ADAMTS5: variants seen among roughly 807,000 people sequenced by gnomAD.
ADAMTS5 encodes A disintegrin and metalloproteinase with thrombospondin motifs 5.
Under a neutral mutation model 81.4 loss-of-function variants are expected in ADAMTS5, and 54 were observed. The ratio of observed to expected loss-of-function variants is 0.66; its 90% CI spans 0.53 to 0.83. The LOEUF is 0.83. ADAMTS5 is among the 40% of genes least tolerant of loss of function. The pLI is 0.00. For synonymous variants in ADAMTS5, 532 were observed against 508.8 expected (o/e 1.05, Z -0.61); for missense variants, 1,194 against 1,229.9 (o/e 0.97, Z 0.44).
intron 7 of ADAMTS5, among the ~76,000 whole-genome samples, chr21:26,927,305 A>T (rs532559118): frequency 2.0e-5 from 3 of 152,314 alleles, no homozygotes; most frequent in Admixed American, 6.5e-5. Flanking sequence ...GGTGATATCA[A>T]TTGATAAGAG....
intron 6 of ADAMTS5, among the ~76,000 whole-genome samples, chr21:26,931,206 C>A (rs1986900664): frequency 6.6e-6 from 1 of 152,018 alleles, no homozygotes. Context: ...GCCACCACGC[C>A]CAGCTAATTT....
intron 2 of ADAMTS5, among the ~76,000 whole-genome samples, chr21:26,949,147 A>ATG (rs1336874757): frequency 2.0e-5 from 3 of 150,782 alleles, no homozygotes; most frequent in Non-Finnish European, 4.4e-5. Flanking sequence ...ATATATATAT[A>ATG]TATATATCAC....
rs61754846 is a variant in ADAMTS5, at chr21:26,924,358, G to A, written c.2488C>T (p.Leu830=). The A allele has an allele frequency of 4.6e-3, 7,485 of 1,614,162 alleles. 34 individuals carry two copies. The highest frequency in any genetic ancestry group is 5.1e-3 in the Non-Finnish European group (6,008 of 1,180,002). Residue 830 remains leucine (L), a synonymous_variant, in exon 8 of 8, where the codon CTA becomes TTA. Coordinates refer to ENST00000284987, the MANE Select transcript of ADAMTS5 (RefSeq NM_007038.5). ...TCTGTTGCAAGAATCTGCACTATTAGAATTTCCTTCGTGGCAGAGTAGCCC... is the reference window on the plus strand; with the variant it reads ...TCTGTTGCAAGAATCTGCACTATTAAAATTTCCTTCGTGGCAGAGTAGCCC... ...GMGYSATKEI[L]IVQILATDPT... is the part of the protein sequence containing the mutation.
chr21:26,954,453 G>T (rs995766084), intron 2 of ADAMTS5, among the ~76,000 whole-genome samples: 1 of 152,170 alleles, frequency 6.6e-6, no homozygotes, highest in Non-Finnish European at 1.5e-5. Context: ...TCATCCAGGG[G>T]TCATTTACGG....
At chr21:26,950,920 A>T (rs1412428647) in intron 2 of ADAMTS5, among the ~76,000 whole-genome samples, 3 of 152,036 alleles carry the variant, frequency 2.0e-5, no homozygotes, top group Admixed American at 6.6e-5. Flanking sequence ...CAGTGGTGTA[A>T]TCATAGCTCA....
chr21:26,962,860 ACTT>A (rs990481904), intron 1 of ADAMTS5, among the ~76,000 whole-genome samples: 123 of 150,544 alleles, frequency 8.2e-4, no homozygotes, highest in African/African-American at 2.8e-3. Context: ...TCTCCTCCAG[ACTT>A]CTTTTTTTTT....
At chr21:26,944,795 T>A (rs1016590599) in intron 2 of ADAMTS5, among the ~76,000 whole-genome samples, 4 of 152,142 alleles carry the variant, frequency 2.6e-5, no homozygotes, top group African/African-American at 7.2e-5. Context: ...CACTTTATAT[T>A]CCGACTACTT....
chr21:26,951,882 T>C (rs1224566338), intron 2 of ADAMTS5, among the ~76,000 whole-genome samples: 2 of 139,546 alleles, frequency 1.4e-5, no homozygotes, highest in African/African-American at 6.6e-5. Context: ...CAAGACTCTG[T>C]AATAATACAC....
intron 3 of ADAMTS5, among the ~76,000 whole-genome samples, chr21:26,938,296 T>C (rs2123180529): frequency 6.6e-6 from 1 of 151,850 alleles, no homozygotes; most frequent in African/African-American, 2.4e-5. Context: ...GCATATTGCA[T>C]ACATGTTTTT....
Position 26,924,122 on chromosome 21 carries a change from C to A in ADAMTS5, c.2724G>T (p.Lys908Asn). The change falls in exon 8 of 8, where the codon AAG (lysine) becomes AAT (asparagine). Residue 908 changes from lysine to asparagine, a missense_variant. Lys to Asn is a moderately conservative substitution (Grantham distance 94). Around this residue, in one of 2 missense-constraint regions of ADAMTS5, gnomAD observed 696 missense variants for 817.6 expected, o/e 0.85. Transcript: ENST00000284987. Reference sequence around the variant, plus strand: ...GGGAGAGAGGACATCCTTTTGCTAACTTCCGGTTTCCATCCTGGCACTGCA... The same window carrying A: ...GGGAGAGAGGACATCCTTTTGCTAAATTCCGGTTTCCATCCTGGCACTGCA... ...RTVQCQDGNRKLAKGCPLSQR... is the reference protein window; with the variant it reads ...RTVQCQDGNRNLAKGCPLSQR... 6.2e-7 allele frequency: 1 copy of A among 1,612,746 alleles called. No homozygotes were observed. The highest frequency in any genetic ancestry group is 8.5e-7 in the Non-Finnish European group (1 of 1,178,778).
intron 4 of ADAMTS5, 144 bp from the exon 5 acceptor site, chr21:26,933,188 G>A (rs1441291727): frequency 2.2e-6 from 2 of 916,362 alleles, no homozygotes; most frequent in Non-Finnish European, 3.2e-6. Flanking sequence ...ACATGATCAT[G>A]CTTTGGAAAT....
rs1473476677 is a variant in ADAMTS5 at position 26,919,064 on chromosome 21, T to A, written c.*4989A>T. The A allele has an allele frequency of 6.6e-6, 1 of 152,010 alleles. No homozygotes were observed. The highest frequency in any genetic ancestry group is 2.4e-5 in the African/African-American group (1 of 41,418). 9.4% of individuals were successfully genotyped at this position (152,010 alleles called of 1,614,324 possible). ...CCGTGACACAAAGCTTAGAGGTCTT[T>A]CTTGCAAACTGTAAAATCATGTAGA... On this transcript the variant is annotated 3_prime_UTR_variant, in exon 8 of 8. Transcript: ENST00000284987.
rs1986661860 is a variant in ADAMTS5, at chr21:26,920,055, G to GA, written c.*3997dup. The GA allele has an allele frequency of 6.6e-6, 1 of 152,072 alleles. No homozygotes were observed. Among genetic ancestry groups the GA allele is most frequent in the South Asian group, 2.1e-4 (1 of 4,836 alleles). The allele number at this position is 152,072 out of a possible 1,614,324, so 9.4% of individuals were successfully genotyped here. ...AGTAATATTCACCAATCATGCCAAT[G>GA]AGATTATACACTCTGCCAAAGACTA... On this transcript the variant is annotated 3_prime_UTR_variant, in exon 8 of 8. Coordinates refer to ENST00000284987, the MANE Select transcript of ADAMTS5 (RefSeq NM_007038.5).
rs956226683 is a variant in ADAMTS5 at position 26,923,406 on chromosome 21, A to G, written c.*647T>C. ...CACTGAGATCTATTTACTTTTCAAA[A>G]TTTCTCAGAAGATACTTGCTGTCAA... On this transcript the variant is annotated 3_prime_UTR_variant, in exon 8 of 8. Transcript: ENST00000284987. 1 of 152,264 alleles carries G rather than the reference A, an allele frequency of 6.6e-6. No individual in the cohort carries two copies. Among genetic ancestry groups the G allele is most frequent in the African/African-American group, 2.4e-5 (1 of 41,458 alleles). 9.4% of individuals were successfully genotyped at this position (152,264 alleles called of 1,614,324 possible). A position where few individuals can be genotyped will look rare whatever the true frequency, so the allele number is the denominator to read the frequency against.
chr21:26,966,421 G>C lies in ADAMTS5; in HGVS notation c.-30C>G, dbSNP rs1156834003. On this transcript the variant is annotated 5_prime_UTR_variant, in exon 1 of 8. Coordinates refer to ENST00000284987, the MANE Select transcript of ADAMTS5 (RefSeq NM_007038.5). ...CGCTGCCCGCGGGGAGGGGCTGCGC[G>C]ACTGGGACTTTATGGGTATTTGTTA... 3 of 1,417,236 alleles carry C rather than the reference G, an allele frequency of 2.1e-6. No individual in the cohort carries two copies. Among genetic ancestry groups the C allele is most frequent in the East Asian group, 2.8e-5 (1 of 35,204 alleles). 87.8% of individuals were successfully genotyped at this position (1,417,236 alleles called of 1,614,324 possible).
chr21:26,954,951 C>G (rs55711406), intron 1 of ADAMTS5, 80 bp from the exon 2 acceptor site: 3 of 1,524,404 alleles, frequency 2.0e-6, no homozygotes, highest in Non-Finnish European at 2.7e-6. Flanking sequence ...TTGCTTACCC[C>G]AAATGGCAAC....
At chr21:26,941,160 A>C (rs1330224480) in intron 3 of ADAMTS5, among the ~76,000 whole-genome samples, 1 of 152,140 alleles carries the variant, frequency 6.6e-6, no homozygotes, top group African/African-American at 2.4e-5. Flanking sequence ...CTGCCTAACC[A>C]AACCAAGATA....
chr21:26,965,590 G>A lies in ADAMTS5; in HGVS notation c.802C>T (p.Gln268Ter). The change falls in exon 1 of 8, where the codon CAG becomes TAG. Residue 268 changes from glutamine (Q) to a stop codon, truncating the protein, a stop_gained. Coordinates refer to ENST00000284987, the MANE Select transcript of ADAMTS5 (RefSeq NM_007038.5). LOFTEE classifies it high-confidence loss of function. ...RRRRSISRARQVELLLVADAS... is the reference protein window; with the variant it reads ...RRRRSISRAR Reference sequence around the variant, plus strand: ...TCAGCCACCAGAAGCAGCTCCACCTGGCGGGCCCGGGAGATGGAGCGGCGC... The same window carrying A: ...TCAGCCACCAGAAGCAGCTCCACCTAGCGGGCCCGGGAGATGGAGCGGCGC... The A allele has an allele frequency of 6.2e-7, 1 of 1,604,842 alleles. No individual in the cohort carries two copies. The highest frequency in any genetic ancestry group is 8.5e-7 in the Non-Finnish European group (1 of 1,175,846).
chr21:26,932,937 G>T lies in ADAMTS5; in HGVS notation c.1797C>A (p.Pro599=), dbSNP rs771902973. 1.9e-6 allele frequency: 3 copies of T among 1,614,080 alleles called. No individual in the cohort carries two copies. Among genetic ancestry groups the T allele is most frequent in the Non-Finnish European group, 2.5e-6 (3 of 1,180,008 alleles). ...CTGTGCAGTAGCGTCCGTTGTTTCT[G>T]GGAGCAGGGTTATTACAGTGACGAT... The part of the protein sequence containing the change: ...FAYRHCNNPA[P]RNNGRYCTGK... The change falls in exon 5 of 8, where the codon CCC becomes CCA. Residue 599 remains proline, a synonymous_variant. Transcript: ENST00000284987.
Sources: allele counts gnomAD v4.1 joint callset (sites outside exome capture counted in the v4.1 genomes callset), GRCh38; gene constraint gnomAD v4.1.1; regional missense constraint gnomAD v4.1.1; transcripts MANE v1.5; gene names NCBI Gene and HGNC (gene_info 2026-07-23, HGNC 2026-07-21).